ZNF385D: variants seen among roughly 807,000 people sequenced by gnomAD.
ZNF385D encodes zinc finger protein 385D.
Under a neutral mutation model 35.8 loss-of-function variants are expected in ZNF385D, and 15 were observed. The ratio of observed to expected loss-of-function variants is 0.42; its 90% CI spans 0.28 to 0.64. The LOEUF (loss-of-function observed/expected upper bound fraction) is 0.64. Among genes scored for constraint, ZNF385D ranks in the 30% least tolerant of loss-of-function variants. ZNF385D has a pLI of 0.23. For missense variants in ZNF385D, 474 were observed against 494.6 expected (o/e 0.96, Z 0.39); for synonymous variants, 212 against 186.8 (o/e 1.13, Z -1.10).
intron 3 of ZNF385D, among the ~76,000 whole-genome samples, chr3:22,094,801 T>C (rs67530221): frequency 0.12 from 18,088 of 152,076 alleles, 1,209 homozygotes; most frequent in Non-Finnish European, 0.16. Flanking sequence ...CAGCTGTAGG[T>C]TGTCAGTTAA....
chr3:22,347,851 G>A (rs1695729339), intron 2 of ZNF385D, among the ~76,000 whole-genome samples: 1 of 152,052 alleles, frequency 6.6e-6, no homozygotes, highest in Non-Finnish European at 1.5e-5. Context: ...AACATTCTAA[G>A]TTTCTTATTT....
chr3:21,465,268 C>T lies in ZNF385D; in HGVS notation c.440-28065G>A, dbSNP rs1399335204. On this transcript the variant is annotated intron_variant, in intron 4 of 7. Transcript: ENST00000281523. This position sits in a 1 kb window ranked among gnomAD's most constrained non-coding sequence, Gnocchi z 4.2. Reference sequence around the variant, plus strand: ...CTTCCCAATTTCTTTTGCTAAAAGACTATTTGTATTTATCCAGTTAGGTGT... The same window carrying T: ...CTTCCCAATTTCTTTTGCTAAAAGATTATTTGTATTTATCCAGTTAGGTGT... Among the ~76,000 whole-genome samples the T allele has an allele frequency of 1.3e-5, 2 of 152,080 alleles. No homozygotes were observed. Among genetic ancestry groups the T allele is most frequent in the African/African-American group, 4.8e-5 (2 of 41,424 alleles).
intron 3 of ZNF385D, among the ~76,000 whole-genome samples, chr3:21,523,005 G>A (rs969674448): frequency 6.6e-5 from 10 of 152,270 alleles, no homozygotes; most frequent in African/African-American, 2.2e-4. Flanking sequence ...TGGAGGAAGA[G>A]TTTAGTGTGT....
chr3:21,764,825 T>C (rs1247154224), intron 3 of ZNF385D, among the ~76,000 whole-genome samples: 1 of 152,130 alleles, frequency 6.6e-6, no homozygotes, highest in Non-Finnish European at 1.5e-5. Context: ...CCATAAGTTT[T>C]TACATTTATA....
Position 22,075,074 on chromosome 3 carries a change from A to G in ZNF385D, c.325+93743T>C, listed in dbSNP as rs150226031. ...GAGTAATTTTTTAAAAATACTAATT[A>G]CAAGGCCCCACTCCAGAGATTTTGA... On this transcript the variant is annotated intron_variant, in intron 3 of 5. Transcript: ENST00000494108. Among the ~76,000 whole-genome samples the G allele has an allele frequency of 1.4e-3, 217 of 152,068 alleles. 1 individual carries two copies. The highest frequency in any genetic ancestry group is 4.9e-3 in the African/African-American group (205 of 41,546).
At chr3:21,449,129 T>G (rs1171261228) in intron 4 of ZNF385D, among the ~76,000 whole-genome samples, 1 of 152,136 alleles carries the variant, frequency 6.6e-6, no homozygotes, top group Non-Finnish European at 1.5e-5. Flanking sequence ...GTCAATCAAT[T>G]TTTAATTCAA....
chr3:21,459,969 G>A (rs900997980), intron 4 of ZNF385D, among the ~76,000 whole-genome samples: 2 of 152,132 alleles, frequency 1.3e-5, no homozygotes, highest in Non-Finnish European at 2.9e-5. Flanking sequence ...TTATGACCTA[G>A]AGTGCCACAA....
intron 3 of ZNF385D, among the ~76,000 whole-genome samples, chr3:22,143,059 T>TGTGTGTGTGTG (rs1704617040): frequency 7.1e-6 from 1 of 140,916 alleles, no homozygotes; most frequent in African/African-American, 2.7e-5. Context: ...ATTAAATCGG[T>TGTGTGTGTGTG]TGTGTGTGTG....
intron 2 of ZNF385D, among the ~76,000 whole-genome samples, chr3:21,596,170 T>G (rs1047886431): frequency 1.3e-5 from 2 of 152,192 alleles, no homozygotes; most frequent in African/African-American, 2.4e-5. Flanking sequence ...ATCCAAAGTT[T>G]GTCAGCCAAC....
At chr3:21,827,485 C>A (rs895456288) in intron 3 of ZNF385D, among the ~76,000 whole-genome samples, 1 of 152,184 alleles carries the variant, frequency 6.6e-6, no homozygotes, top group African/African-American at 2.4e-5. Context: ...CAAGCAACAT[C>A]TCTTATAGTA....
At chr3:21,803,417 A>T (rs1196363831) in intron 3 of ZNF385D, among the ~76,000 whole-genome samples, 2 of 152,208 alleles carry the variant, frequency 1.3e-5, no homozygotes, top group Non-Finnish European at 2.9e-5. Flanking sequence ...TCTTCTGTAT[A>T]GGAGTCATTG....
intron 2 of ZNF385D, among the ~76,000 whole-genome samples, chr3:21,641,011 A>T (rs2065588978): frequency 6.6e-6 from 1 of 152,096 alleles, no homozygotes; most frequent in African/African-American, 2.4e-5. Flanking sequence ...AAATGCCCTA[A>T]GTCACCAAAT....
At chr3:22,100,319 C>A (rs1478265068) in intron 3 of ZNF385D, among the ~76,000 whole-genome samples, 1 of 144,588 alleles carries the variant, frequency 6.9e-6, no homozygotes, top group Non-Finnish European at 1.5e-5. Flanking sequence ...TTGACCCAGC[C>A]ATCCCATTAC....
intron 2 of ZNF385D, among the ~76,000 whole-genome samples, chr3:21,601,182 T>A (rs17009119): frequency 6.6e-6 from 1 of 152,208 alleles, no homozygotes; most frequent in African/African-American, 2.4e-5. Context: ...GTTGAATCCA[T>A]ATACTCCACT....
At chr3:21,739,911 A>G (rs1311919599) in intron 1 of ZNF385D, among the ~76,000 whole-genome samples, 2 of 152,172 alleles carry the variant, frequency 1.3e-5, no homozygotes, top group Non-Finnish European at 2.9e-5. Context: ...CAAACACTCT[A>G]TAGAGTATCA....
At chr3:22,131,085 A>T (rs550451246) in intron 3 of ZNF385D, among the ~76,000 whole-genome samples, 3 of 152,212 alleles carry the variant, frequency 2.0e-5, no homozygotes, top group Non-Finnish European at 2.9e-5. Flanking sequence ...ACAAAATAAC[A>T]GTTAAATTCA....
intron 2 of ZNF385D, among the ~76,000 whole-genome samples, chr3:22,297,520 T>C (rs1702655399): frequency 6.6e-6 from 1 of 151,986 alleles, no homozygotes; most frequent in African/African-American, 2.4e-5. Context: ...GGGGCATGGC[T>C]GAAGTGGGGC....
At chr3:21,590,280 C>CA (rs2125729870) in intron 2 of ZNF385D, among the ~76,000 whole-genome samples, 1 of 152,162 alleles carries the variant, frequency 6.6e-6, no homozygotes, top group African/African-American at 2.4e-5. Context: ...TATGCTATTT[C>CA]ATAATAAAAC....
chr3:21,539,519 A>T lies in ZNF385D; in HGVS notation c.276+25055T>A, dbSNP rs1271669163. The stretch of plus-strand genomic sequence containing the variant: ...CATGACTTCTAATTAAATCCACATT[A>T]TTCAGTAATTTCATATGTTAGTTTG... On this transcript the variant is annotated intron_variant, in intron 3 of 7. Transcript: ENST00000281523. The surrounding 1 kb of genome is among the most constrained non-coding windows in gnomAD (Gnocchi z 4.0). Among the ~76,000 whole-genome samples the T allele has an allele frequency of 1.3e-5, 2 of 152,158 alleles. No homozygotes were observed. Among genetic ancestry groups the T allele is most frequent in the Non-Finnish European group, 2.9e-5 (2 of 68,014 alleles).
Sources: gnomAD v4.1 joint callset for allele counts (sites outside exome capture counted in the v4.1 genomes callset) on GRCh38, gnomAD v4.1.1 for gene constraint, Gnocchi (gnomAD v3.1) non-coding constraint, MANE v1.5 for transcripts, NCBI Gene and HGNC (gene_info 2026-07-23, HGNC 2026-07-21) for gene names.